EYS: variants seen among roughly 807,000 people sequenced by gnomAD.
EYS encodes protein eyes shut homolog.
In EYS, 250 loss-of-function variants were observed where a neutral mutation model predicts 282.1. The observed-to-expected ratio is 0.89, with a 90% CI of 0.80 to 0.98. The LOEUF is 0.98. Ranked by LOEUF, EYS falls within the 50% of genes least tolerant of loss-of-function variation. EYS has a pLI of 0.00. For missense variants in EYS, 4,016 were observed against 3,709.0 expected (o/e 1.08, Z -2.15); for synonymous variants, 1,355 against 1,282.9 (o/e 1.06, Z -1.20).
chr6:63,746,790 T>C (rs1345249252), intron 41 of EYS, among the ~76,000 whole-genome samples: 1 of 152,232 alleles, frequency 6.6e-6, no homozygotes, highest in African/African-American at 2.4e-5. Context: ...TATCATTTTT[T>C]ACTGTGTCTA....
intron 35 of EYS, among the ~76,000 whole-genome samples, chr6:63,877,786 C>T (rs1474114240): frequency 6.6e-6 from 1 of 152,198 alleles, no homozygotes; most frequent in African/African-American, 2.4e-5. Flanking sequence ...GTGCATGCAT[C>T]ACGTAGTTCT....
intron 2 of EYS, among the ~76,000 whole-genome samples, chr6:65,562,706 T>A (rs1337816349): frequency 6.6e-6 from 1 of 152,096 alleles, no homozygotes; most frequent in Non-Finnish European, 1.5e-5. Flanking sequence ...ATAATTAGCC[T>A]GACTGAAATG....
At chr6:64,721,486 A>C (rs927385652) in intron 22 of EYS, among the ~76,000 whole-genome samples, 1 of 152,200 alleles carries the variant, frequency 6.6e-6, no homozygotes, top group African/African-American at 2.4e-5. Context: ...CTTTGAGAAC[A>C]TTAATTCCAT....
intron 26 of EYS, among the ~76,000 whole-genome samples, chr6:64,469,282 C>T (rs1247522592): frequency 1.3e-5 from 2 of 151,938 alleles, no homozygotes; most frequent in Non-Finnish European, 1.5e-5. Flanking sequence ...AGGATGTGGG[C>T]GGCAAGCCAC....
At chr6:64,327,296 A>C (rs1770464599) in intron 29 of EYS, among the ~76,000 whole-genome samples, 1 of 152,100 alleles carries the variant, frequency 6.6e-6, no homozygotes, top group South Asian at 2.1e-4. Context: ...AGTCTGGTGG[A>C]TCCAAGAGTG....
intron 24 of EYS, among the ~76,000 whole-genome samples, chr6:64,594,297 C>T (rs1442539469): frequency 6.6e-6 from 1 of 152,164 alleles, no homozygotes. Flanking sequence ...TAGGAAAGAA[C>T]TAACACCAAG....
At chr6:65,354,101 A>C (rs1764389390) in intron 8 of EYS, among the ~76,000 whole-genome samples, 1 of 152,146 alleles carries the variant, frequency 6.6e-6, no homozygotes, top group African/African-American at 2.4e-5. Context: ...AGCATCTTCA[A>C]ATACAAAAAT....
chr6:63,891,320 C>T (rs907480861), intron 35 of EYS, among the ~76,000 whole-genome samples: 2 of 152,090 alleles, frequency 1.3e-5, no homozygotes, highest in African/African-American at 4.8e-5. Flanking sequence ...TGATGAACAT[C>T]GATGCAAAAA....
At chr6:65,691,788 C>T (rs1439126155) in intron 1 of EYS, among the ~76,000 whole-genome samples, 2 of 150,284 alleles carry the variant, frequency 1.3e-5, no homozygotes, top group African/African-American at 2.4e-5. Flanking sequence ...CCATTTTCAG[C>T]TTTCCACATA....
At chr6:65,269,878 T>A (rs1767851459) in intron 12 of EYS, among the ~76,000 whole-genome samples, 1 of 152,130 alleles carries the variant, frequency 6.6e-6, no homozygotes, top group Non-Finnish European at 1.5e-5. Context: ...CCTCCAAATA[T>A]CCTTACATTG....
intron 37 of EYS, among the ~76,000 whole-genome samples, chr6:63,803,586 T>C (rs557343308): frequency 2.6e-5 from 4 of 152,310 alleles, no homozygotes; most frequent in East Asian, 3.9e-4. Flanking sequence ...GAAATACTAA[T>C]AGAGGACATA....
intron 5 of EYS, among the ~76,000 whole-genome samples, chr6:65,485,737 G>A (rs751511339): frequency 7.2e-5 from 11 of 152,190 alleles, no homozygotes; most frequent in African/African-American, 2.2e-4. Flanking sequence ...CTTTGGAGGC[G>A]GAGGTTGCAG....
chr6:64,912,986 ATAGT>A (rs986914437), intron 15 of EYS, among the ~76,000 whole-genome samples: 74 of 152,248 alleles, frequency 4.9e-4, no homozygotes, highest in African/African-American at 1.7e-3. Flanking sequence ...AATTTCTAAC[ATAGT>A]TAGGCCTCTG....
At chr6:65,008,552 C>T (rs1771764016) in intron 13 of EYS, among the ~76,000 whole-genome samples, 1 of 152,152 alleles carries the variant, frequency 6.6e-6, no homozygotes, top group Non-Finnish European at 1.5e-5. Context: ...AAATTGAATG[C>T]CTAATAGGCC....
intron 12 of EYS, among the ~76,000 whole-genome samples, chr6:65,274,758 C>T (rs1247393022): frequency 1.3e-5 from 2 of 152,088 alleles, no homozygotes; most frequent in South Asian, 2.1e-4. Flanking sequence ...ATTGGTAAGA[C>T]ATTTACATAT....
chr6:64,981,433 G>GT (rs139477752), intron 14 of EYS, among the ~76,000 whole-genome samples: 2,374 of 151,204 alleles, frequency 0.016, 63 homozygotes, highest in African/African-American at 0.054. Flanking sequence ...TTTTGTTCAT[G>GT]TTTTTTTCAC....
intron 19 of EYS, among the ~76,000 whole-genome samples, chr6:64,825,661 T>C (rs1765033076): frequency 1.3e-5 from 2 of 151,752 alleles, no homozygotes; most frequent in Admixed American, 1.3e-4. Flanking sequence ...GGTGCATAAC[T>C]AAAAGAGTTG....
intron 1 of EYS, among the ~76,000 whole-genome samples, chr6:65,685,486 G>C (rs908497112): frequency 2.0e-5 from 3 of 151,992 alleles, no homozygotes; most frequent in African/African-American, 7.2e-5. Flanking sequence ...AAAGCCAATA[G>C]ATAGACTTAA....
chr6:63,766,419 A>G (rs1283069232), intron 40 of EYS, among the ~76,000 whole-genome samples: 1 of 152,034 alleles, frequency 6.6e-6, no homozygotes, highest in Admixed American at 6.6e-5. Context: ...TTCATTGACT[A>G]TTCATGGAAT....
Sources: gnomAD v4.1 joint callset for allele counts (sites outside exome capture counted in the v4.1 genomes callset) on GRCh38, gnomAD v4.1.1 for gene constraint, MANE v1.5 for transcripts, NCBI Gene and HGNC (gene_info 2026-07-23, HGNC 2026-07-21) for gene names.